ARHGEF6: variants seen among roughly 807,000 people sequenced by gnomAD.
ARHGEF6 encodes the protein Rac/Cdc42 guanine nucleotide exchange factor 6, also known as rho guanine nucleotide exchange factor 6.
ARHGEF6 carries 9 observed loss-of-function variants against 70.3 expected under a neutral mutation model. That is an observed-to-expected ratio of 0.13 (90% CI 0.08 to 0.22). The LOEUF is 0.22. Among genes scored for constraint, ARHGEF6 ranks in the 10% least tolerant of loss-of-function variants. ARHGEF6 has a pLI of 1.00. For missense variants in ARHGEF6, 470 were observed against 563.0 expected, an observed-to-expected ratio of 0.83 and a Z score of 1.67; for synonymous variants, 201 against 207.8, an observed-to-expected ratio of 0.97 and a Z score of 0.28.
rs955620869 is a variant in ARHGEF6, at chrX:136,705,593, A to G, written c.1046+1315T>C. Among the ~76,000 whole-genome samples the G allele has an allele frequency of 5.4e-5, 6 of 111,875 alleles. No individual in the cohort carries two copies. In the South Asian group the frequency reaches 1.9e-3, roughly 35 times the overall value. On this transcript the variant is annotated intron_variant, in intron 9 of 21. Coordinates refer to ENST00000250617, the MANE Select transcript of ARHGEF6 (RefSeq NM_004840.3). ...AGATGGTAATAATAATAACTCCCTC[A>G]TAGGCTTTTACATCATGTGCCTGGC... is the stretch of plus-strand genomic sequence containing the variant.
Position 136,743,691 on chromosome X carries a change from G to A in ARHGEF6, c.555C>T (p.Asp185=), listed in dbSNP as rs1328384770. ...CTTCAACTCGTGTGACGTAAATGAT[G>A]TCCCCCTTACAAACTGACAGTTCAT... ...NEDELSVCKG[D]IIYVTRVEEG... Residue 185 remains aspartate, a synonymous_variant, in exon 5 of 22, where the codon GAC becomes GAT. Transcript: ENST00000250617. 3 of 1,209,647 alleles carry A rather than the reference G, an allele frequency of 2.5e-6. No individual in the cohort carries two copies. In the Admixed American group the frequency reaches 6.6e-5, roughly 26 times the overall value.
chrX:136,735,771 C>T (rs2076979161), intron 5 of ARHGEF6, among the ~76,000 whole-genome samples: 1 of 111,512 alleles, frequency 9.0e-6, no homozygotes, highest in Admixed American at 9.5e-5. Context: ...GGTGATAAGA[C>T]AAAAAGAAAT....
chrX:136,681,372 C>A (rs1165433871), intron 14 of ARHGEF6, among the ~76,000 whole-genome samples: 1 of 112,176 alleles, frequency 8.9e-6, no homozygotes. Context: ...AGTCAGGCCA[C>A]TACATATAAA....
intron 1 of ARHGEF6, among the ~76,000 whole-genome samples, chrX:136,780,201 G>A (rs1216098082): frequency 9.0e-6 from 1 of 111,468 alleles, no homozygotes; most frequent in Admixed American, 9.5e-5. Context: ...ACATATATCT[G>A]GTTTCTATTG....
intron 6 of ARHGEF6, among the ~76,000 whole-genome samples, chrX:136,729,686 T>C (rs780588046): frequency 1.9e-5 from 2 of 106,260 alleles, no homozygotes; most frequent in South Asian, 4.2e-4. Context: ...AAAAATTAGC[T>C]GGGCGTGGTG....
At chrX:136,674,670 A>ACT (rs753473327) in intron 19 of ARHGEF6, among the ~76,000 whole-genome samples, 1 of 111,725 alleles carries the variant, frequency 9.0e-6, no homozygotes, top group Non-Finnish European at 1.9e-5. Flanking sequence ...AGACACAGGA[A>ACT]CTCTCTAGGC....
At chrX:136,680,972 G>T in intron 14 of ARHGEF6, 96 bp from the exon 15 acceptor site, 1 of 1,032,667 alleles carries the variant, frequency 9.7e-7, no homozygotes. Context: ...CTAGGACTTG[G>T]GTGTGTATTT....
chrX:136,696,299 TA>T (rs1007957199), intron 9 of ARHGEF6, among the ~76,000 whole-genome samples: 6 of 110,947 alleles, frequency 5.4e-5, no homozygotes, highest in African/African-American at 2.0e-4. Context: ...ACTACTCAGT[TA>T]AAAAAAAGCG....
chrX:136,750,912 C>G (rs2077143901), intron 2 of ARHGEF6, among the ~76,000 whole-genome samples: 1 of 110,152 alleles, frequency 9.1e-6, no homozygotes, highest in Non-Finnish European at 1.9e-5. Context: ...AAGCAATTCT[C>G]CTGCCTCAGC....
chrX:136,691,010 C>A (rs1271892640), intron 9 of ARHGEF6, among the ~76,000 whole-genome samples: 1 of 109,858 alleles, frequency 9.1e-6, no homozygotes. Context: ...ACTGATTGAG[C>A]ATCTACTAAG....
intron 9 of ARHGEF6, among the ~76,000 whole-genome samples, chrX:136,704,971 A>G (rs1448634288): frequency 8.9e-6 from 1 of 112,116 alleles, no homozygotes; most frequent in Non-Finnish European, 1.9e-5. Flanking sequence ...CCTCATACAC[A>G]GATAGTGAGA....
chrX:136,745,128 C>T (rs1603351396), intron 4 of ARHGEF6, 95 bp downstream of exon 4: 32 of 1,103,402 alleles, frequency 2.9e-5, no homozygotes, highest in Non-Finnish European at 3.7e-5. Context: ...CAAAACAACC[C>T]GGATGGCTGT....
intron 3 of ARHGEF6, 52 bp from the exon 4 acceptor site, chrX:136,745,399 A>G: frequency 8.5e-7 from 1 of 1,180,450 alleles, no homozygotes; most frequent in Non-Finnish European, 1.2e-6. Context: ...TCAGAAAAAC[A>G]TCTACCGCAT....
At chrX:136,696,485 G>A (rs982209654) in intron 9 of ARHGEF6, among the ~76,000 whole-genome samples, 1 of 109,874 alleles carries the variant, frequency 9.1e-6, no homozygotes, top group Non-Finnish European at 1.9e-5. Context: ...GAGTGTGGTG[G>A]TGTGTGCCTG....
In ARHGEF6 at chrX:136,667,813, C is replaced by A; in HGVS notation, c.*216G>T. 1 of 448,508 alleles carries A rather than the reference C, an allele frequency of 2.2e-6. No homozygotes were observed. Among genetic ancestry groups the A allele is most frequent in the Non-Finnish European group, 3.7e-6 (1 of 267,184 alleles). The allele number at this position is 448,508 out of a possible 1,213,427, so 37.0% of individuals were successfully genotyped here. On this transcript the variant is annotated 3_prime_UTR_variant, in exon 22 of 22. Coordinates refer to ENST00000250617, the MANE Select transcript of ARHGEF6 (RefSeq NM_004840.3). ...ACCTGTTGAAAAAAAAAATGAACAACCAACCAATAACCAAACAACAGCAAA... is the reference window on the plus strand; with the variant it reads ...ACCTGTTGAAAAAAAAAATGAACAAACAACCAATAACCAAACAACAGCAAA...
intron 7 of ARHGEF6, among the ~76,000 whole-genome samples, chrX:136,710,804 T>C (rs1398230999): frequency 9.2e-6 from 1 of 108,947 alleles, no homozygotes; most frequent in Admixed American, 9.8e-5. Flanking sequence ...AACAAACCAG[T>C]AAGAAAAAAA....
intron 8 of ARHGEF6, among the ~76,000 whole-genome samples, chrX:136,707,828 C>T (rs1425954064): frequency 1.8e-5 from 2 of 111,684 alleles, no homozygotes; most frequent in Admixed American, 1.9e-4. Flanking sequence ...GAGATGAAAG[C>T]TGCCAACTTC....
chrX:136,678,611 G>A (rs925915167), intron 16 of ARHGEF6, among the ~76,000 whole-genome samples: 3 of 111,557 alleles, frequency 2.7e-5, no homozygotes, highest in African/African-American at 9.8e-5. Flanking sequence ...ACTTAGAGTT[G>A]GTAGCAACAA....
chrX:136,726,249 AT>A (rs779926008), intron 6 of ARHGEF6, among the ~76,000 whole-genome samples: 1 of 111,645 alleles, frequency 9.0e-6, no homozygotes, highest in South Asian at 3.8e-4. Context: ...GCAGTGATTG[AT>A]TCTGCACGCC....
Sources: gnomAD v4.1 joint callset for allele counts (sites outside exome capture counted in the v4.1 genomes callset) on GRCh38, gnomAD v4.1.1 for gene constraint, MANE v1.5 for transcripts, NCBI Gene and HGNC (gene_info 2026-07-23, HGNC 2026-07-21) for gene names.